The following SND1 variants were observed in gnomAD, a reference collection of about 807,000 sequenced individuals.
SND1 encodes the protein staphylococcal nuclease domain-containing protein 1.
A neutral mutation model predicts 121.7 loss-of-function variants in SND1; 38 were observed. The observed-to-expected ratio is 0.31, with a 90% CI of 0.24 to 0.41. The LOEUF (loss-of-function observed/expected upper bound fraction) is 0.41, where lower values mean the gene tolerates loss of function less well. Among genes scored for constraint, SND1 ranks in the 10% least tolerant of loss-of-function variants. The pLI, the probability that SND1 is intolerant of heterozygous loss-of-function variation, is 1.00. For missense variants in SND1, 868 were observed against 1,184.6 expected, an observed-to-expected ratio of 0.73 and a Z score of 3.92; for synonymous variants, 401 against 447.4, an observed-to-expected ratio of 0.90 and a Z score of 1.31.
chr7:127,691,761 C>T (rs1351819896), intron 2 of SND1, among the ~76,000 whole-genome samples: 1 of 149,826 alleles, frequency 6.7e-6, no homozygotes, highest in South Asian at 2.1e-4. Flanking sequence ...TGCAGGCGTG[C>T]GCCAACATGC....
intron 16 of SND1, among the ~76,000 whole-genome samples, chr7:128,001,390 T>C (rs1233399593): frequency 6.6e-6 from 1 of 152,230 alleles, no homozygotes; most frequent in East Asian, 1.9e-4. Context: ...TGTCTGACCA[T>C]GCACACATCC....
intron 1 of SND1, among the ~76,000 whole-genome samples, chr7:127,676,492 C>T (rs895090664): frequency 2.6e-5 from 4 of 152,128 alleles, no homozygotes; most frequent in Admixed American, 6.6e-5. Flanking sequence ...ATGGTTGTTC[C>T]GTTAGCCACA....
intron 10 of SND1, among the ~76,000 whole-genome samples, chr7:127,788,014 G>T (rs1378604948): frequency 2.0e-5 from 3 of 152,124 alleles, no homozygotes; most frequent in African/African-American, 7.2e-5. Context: ...AGGCGAAACG[G>T]GTGCTGCTTT....
chr7:127,668,620 A>G (rs1795460320), intron 1 of SND1, among the ~76,000 whole-genome samples: 1 of 152,212 alleles, frequency 6.6e-6, no homozygotes. Context: ...GACAACAACA[A>G]TTGAGACATG....
chr7:127,708,186 G>A (rs548101199), intron 9 of SND1, among the ~76,000 whole-genome samples: 101 of 152,224 alleles, frequency 6.6e-4, no homozygotes, highest in African/African-American at 2.4e-3. Flanking sequence ...GTAGACTTAT[G>A]TAAGTGTTCC....
intron 15 of SND1, among the ~76,000 whole-genome samples, chr7:127,983,898 T>C (rs757251394): frequency 6.6e-6 from 1 of 152,168 alleles, no homozygotes; most frequent in Admixed American, 6.5e-5. Context: ...TTTTCCGATA[T>C]GGCGTCCAGA....
chr7:128,063,679 T>C (rs1260981700), intron 16 of SND1, among the ~76,000 whole-genome samples: 2 of 152,242 alleles, frequency 1.3e-5, no homozygotes, highest in African/African-American at 2.4e-5. Flanking sequence ...GTCATGGTGA[T>C]ATGAGTAAAG....
chr7:127,693,322 T>C (rs1587600670), intron 2 of SND1, among the ~76,000 whole-genome samples: 1 of 152,168 alleles, frequency 6.6e-6, no homozygotes, highest in Non-Finnish European at 1.5e-5. Flanking sequence ...CTTGATATTG[T>C]CATTGAGTGA....
At chr7:128,080,923 G>T (rs927535474) in intron 17 of SND1, among the ~76,000 whole-genome samples, 1 of 151,692 alleles carries the variant, frequency 6.6e-6, no homozygotes, top group African/African-American at 2.4e-5. Context: ...GCTCAGCCTG[G>T]TGTGAATCGA....
chr7:127,871,061 C>T (rs921194761), intron 12 of SND1, among the ~76,000 whole-genome samples: 4 of 152,068 alleles, frequency 2.6e-5, no homozygotes, highest in African/African-American at 9.7e-5. Context: ...TAGCCTAGAC[C>T]TACACAGTCA....
At chr7:127,880,716 G>GGTGT (rs10655402) in intron 12 of SND1, among the ~76,000 whole-genome samples, 2,732 of 149,610 alleles carry the variant, frequency 0.018, 94 homozygotes, top group African/African-American at 0.06. Flanking sequence ...AGAATGCAGG[G>GGTGT]GTGTGTGTGT....
At chr7:128,047,905 T>C (rs1339569603) in intron 16 of SND1, among the ~76,000 whole-genome samples, 1 of 152,014 alleles carries the variant, frequency 6.6e-6, no homozygotes, top group Non-Finnish European at 1.5e-5. Flanking sequence ...TAGAGTGCAA[T>C]GGTGTGATCT....
At chr7:127,840,365 C>T (rs1020830336) in intron 11 of SND1, among the ~76,000 whole-genome samples, 2 of 152,110 alleles carry the variant, frequency 1.3e-5, no homozygotes, top group Admixed American at 6.6e-5. Context: ...TCAAGTAGCA[C>T]CAAGCAAGAG....
At chr7:127,663,378 T>A (rs1436377249) in intron 1 of SND1, among the ~76,000 whole-genome samples, 1 of 91,878 alleles carries the variant, frequency 1.1e-5, no homozygotes, top group Non-Finnish European at 3.0e-5. Context: ...ACTGTACTTC[T>A]TTTTTTTTTT....
At chr7:127,858,526 A>G in intron 12 of SND1, 3 of 479,170 alleles carry the variant, frequency 6.3e-6, no homozygotes, top group Non-Finnish European at 1.2e-5. Flanking sequence ...TTGTTTATGC[A>G]GTGCAGATCT....
At chr7:127,778,784 A>G (rs1234347394) in intron 10 of SND1, among the ~76,000 whole-genome samples, 5 of 152,206 alleles carry the variant, frequency 3.3e-5, no homozygotes, top group Non-Finnish European at 7.3e-5. Flanking sequence ...AGTGTCACTC[A>G]GGCTTACTTA....
At chr7:127,914,388 C>T (rs568907477) in intron 14 of SND1, among the ~76,000 whole-genome samples, 40 of 152,332 alleles carry the variant, frequency 2.6e-4, no homozygotes, top group African/African-American at 9.4e-4. Flanking sequence ...TATGTCTCTT[C>T]TTCCAGGTAA....
At chr7:127,827,402 A>G (rs1359709056) in intron 11 of SND1, among the ~76,000 whole-genome samples, 2 of 152,196 alleles carry the variant, frequency 1.3e-5, no homozygotes, top group Non-Finnish European at 2.9e-5. Flanking sequence ...AACCTAGCCT[A>G]ATTGCAAATT....
At chr7:127,840,187 A>C (rs1186812618) in intron 11 of SND1, among the ~76,000 whole-genome samples, 1 of 152,248 alleles carries the variant, frequency 6.6e-6, no homozygotes, top group Non-Finnish European at 1.5e-5. Flanking sequence ...TAAGGTAGGA[A>C]ATACAAAGAT....
Sources: gnomAD v4.1 joint callset for allele counts (sites outside exome capture counted in the v4.1 genomes callset) on GRCh38, gnomAD v4.1.1 for gene constraint, MANE v1.5 for transcripts, NCBI Gene and HGNC (gene_info 2026-07-23, HGNC 2026-07-21) for gene names.